Variants in NOMO1 observed in about 807,000 individuals in gnomAD.
The protein encoded by NOMO1 is NODAL modulator 1.
In NOMO1, 40 loss-of-function variants were observed where a neutral mutation model predicts 133.8. That is an observed-to-expected ratio of 0.30 (90% CI 0.23 to 0.39). The LOEUF is 0.39. Ranked by LOEUF, NOMO1 falls within the 10% of genes least tolerant of loss-of-function variation. The probability of loss-of-function intolerance (pLI) is 1.00; values close to 1 mark genes in which losing one functional copy is unlikely to be tolerated. For missense variants in NOMO1, 462 were observed against 1,419.9 expected, an observed-to-expected ratio of 0.33 and a Z score of 10.84; for synonymous variants, 236 against 570.5, an observed-to-expected ratio of 0.41 and a Z score of 8.36.
rs1389317999 is a variant in NOMO1, at chr16:14,857,549, A to G, written c.1114A>G (p.Thr372Ala). 2 of 1,610,774 alleles carry G rather than the reference A, an allele frequency of 1.2e-6. No homozygotes were observed. Among genetic ancestry groups the G allele is most frequent in the Non-Finnish European group, 1.7e-6 (2 of 1,178,628 alleles). Residue 372 changes from threonine (T) to alanine (A), a missense_variant, in exon 11 of 31, where the codon ACA becomes GCA. Physicochemically the swap from Thr to Ala is moderately conservative, Grantham distance 58 (BLOSUM62 0). Transcript: ENST00000287667. Reference sequence around the variant, plus strand: ...CTCATTCCGCCTTGAGAACATAACCACAGGGACATACACCATCCATGCTCA... The same window carrying G: ...CTCATTCCGCCTTGAGAACATAACCGCAGGGACATACACCATCCATGCTCA... ...DGSFRLENIT[T>A]GTYTIHAQKE...
At chr16:14,843,538 A>T (rs969775314) in intron 3 of NOMO1, among the ~76,000 whole-genome samples, 3 of 151,560 alleles carry the variant, frequency 2.0e-5, no homozygotes, top group Non-Finnish European at 4.4e-5. Flanking sequence ...AGTTTTTTTT[A>T]ATTTTAGCCC....
At chr16:14,884,163 G>A (rs1424911766) in intron 26 of NOMO1, among the ~76,000 whole-genome samples, 2 of 151,710 alleles carry the variant, frequency 1.3e-5, no homozygotes, top group Non-Finnish European at 2.9e-5. Context: ...AAAATACTGT[G>A]CTTTCGAAAT....
chr16:14,873,717 G>GAATTT (rs1192598311), intron 18 of NOMO1, among the ~76,000 whole-genome samples: 1 of 151,730 alleles, frequency 6.6e-6, no homozygotes, highest in East Asian at 1.9e-4. Context: ...ACTTCACAAG[G>GAATTT]GTGTTTGTGT....
intron 16 of NOMO1, among the ~76,000 whole-genome samples, chr16:14,871,130 G>A (rs961582746): frequency 2.5e-4 from 38 of 151,724 alleles, no homozygotes; most frequent in African/African-American, 8.5e-4. Context: ...GTGATGAAAT[G>A]TACCCCTAGC....
rs376438924 is a variant in NOMO1 at position 14,894,955 on chromosome 16, G to A, written c.3445-43G>A. On this transcript the variant is annotated intron_variant, in intron 29 of 30. Coordinates refer to ENST00000287667, the MANE Select transcript of NOMO1 (RefSeq NM_014287.4). ...GTGGCATTGTGGATGATGGACAATC[G>A]TGTGGCCTTGGTGAGGAGTGATGGG... 2.9e-4 allele frequency: 470 copies of A among 1,611,908 alleles called. 4 individuals are homozygous for A. In the African/African-American group the frequency reaches 5.3e-3, roughly 18 times the overall value.
intron 2 of NOMO1, among the ~76,000 whole-genome samples, chr16:14,839,244 C>G (rs1408417807): frequency 2.0e-5 from 3 of 151,588 alleles, no homozygotes; most frequent in African/African-American, 4.8e-5. Context: ...TTAATAGTGA[C>G]GGGGTTTTGC....
intron 1 of NOMO1, among the ~76,000 whole-genome samples, chr16:14,836,213 T>C (rs1447069499): frequency 4.6e-5 from 7 of 152,080 alleles, no homozygotes; most frequent in African/African-American, 1.7e-4. Flanking sequence ...AGTCCCTGCC[T>C]TAAATGCATG....
At chr16:14,881,078 C>G (rs1392445229) in intron 24 of NOMO1, among the ~76,000 whole-genome samples, 1 of 151,882 alleles carries the variant, frequency 6.6e-6, no homozygotes, top group African/African-American at 2.4e-5. Flanking sequence ...GAGATGCATA[C>G]ATATATACAT....
intron 9 of NOMO1, among the ~76,000 whole-genome samples, chr16:14,856,336 G>A (rs1297084144): frequency 3.9e-5 from 6 of 152,222 alleles, no homozygotes; most frequent in Admixed American, 6.5e-5. Context: ...TCACAGGCGA[G>A]TGGGGCACAG....
chr16:14,862,379 A>C (rs911462704), intron 11 of NOMO1: 1 of 153,974 alleles, frequency 6.5e-6, no homozygotes, highest in East Asian at 1.9e-4. Flanking sequence ...TAGAATCTCA[A>C]ATCTGAAGCA....
At chr16:14,891,953 G>A (rs146626576) in intron 29 of NOMO1, among the ~76,000 whole-genome samples, 2 of 152,206 alleles carry the variant, frequency 1.3e-5, no homozygotes, top group African/African-American at 2.4e-5. Context: ...AGAAAGTGCC[G>A]GAGAGGGCTA....
intron 29 of NOMO1, among the ~76,000 whole-genome samples, chr16:14,892,841 G>A (rs1210873273): frequency 6.8e-6 from 1 of 146,886 alleles, no homozygotes; most frequent in African/African-American, 2.5e-5. Flanking sequence ...GAGGCGGTTT[G>A]TCTCAAGCCA....
At chr16:14,877,583 G>A (rs453449) in intron 22 of NOMO1, among the ~76,000 whole-genome samples, 14 of 152,028 alleles carry the variant, frequency 9.2e-5, no homozygotes, top group African/African-American at 1.9e-4. Context: ...AAGACAACCC[G>A]CTAGAAAAAA....
chr16:14,894,385 T>G lies in NOMO1; in HGVS notation c.3445-613T>G, dbSNP rs1440136966. 1.3e-5 allele frequency among the ~76,000 whole-genome samples: 2 copies of G among 152,064 alleles called. 1 individual carries two copies. The highest frequency in any genetic ancestry group is 2.9e-5 in the Non-Finnish European group (2 of 68,036). ...CTGTTCCTGTACCATTGGCCAAAAT[T>G]TAGTTCCAGGGCTGCGCCTGCTGCA... is the stretch of plus-strand genomic sequence containing the variant. On this transcript the variant is annotated intron_variant, in intron 29 of 30. Transcript: ENST00000287667.
chr16:14,876,737 G>A lies in NOMO1; in HGVS notation c.2590G>A (p.Glu864Lys), dbSNP rs1964167538. ...GGAGGGCTATGTTCTGACTGCGGTG[G>A]AAGGAACCATCGGAGACTTCAAGGC... is the stretch of plus-strand genomic sequence containing the variant. ...QKEGYVLTAV[E>K]GTIGDFKAYA... Residue 864 changes from glutamate (E) to lysine (K), a missense_variant, in exon 22 of 31, where the codon GAA (glutamate) becomes AAA (lysine). Transcript: ENST00000287667. The A allele has an allele frequency of 6.2e-7, 1 of 1,610,920 alleles. No homozygotes were observed. Among genetic ancestry groups the A allele is most frequent in the African/African-American group, 1.3e-5 (1 of 74,272 alleles).
chr16:14,877,735 G>A (rs1964182225), intron 22 of NOMO1, among the ~76,000 whole-genome samples: 1 of 148,554 alleles, frequency 6.7e-6, no homozygotes, highest in Non-Finnish European at 1.5e-5. Context: ...GATTAGATTT[G>A]CTGTAATTAA....
In NOMO1 at chr16:14,881,542, A is replaced by G; in HGVS notation, c.2886-2A>G. ...CATTCGTGCCTGTTCTTGCCATACT[A>G]GTTGCTATGGCACAGTGTCTTCCTT... On this transcript the variant is annotated splice_acceptor_variant, in intron 24 of 30. Coordinates refer to ENST00000287667, the MANE Select transcript of NOMO1 (RefSeq NM_014287.4). LOFTEE classifies it high-confidence loss of function. The G allele has an allele frequency of 4.4e-6, 7 of 1,608,736 alleles. No homozygotes were observed. The highest frequency in any genetic ancestry group is 2.3e-4 in the Middle Eastern group (1 of 4,424).
intron 29 of NOMO1, among the ~76,000 whole-genome samples, chr16:14,894,787 G>A (rs1964457304): frequency 6.6e-6 from 1 of 152,150 alleles, no homozygotes; most frequent in Non-Finnish European, 1.5e-5. Flanking sequence ...GAAGCAAATA[G>A]TGAAGCTTTG....
intron 11 of NOMO1, among the ~76,000 whole-genome samples, chr16:14,859,056 C>T (rs1023534487): frequency 1.4e-4 from 21 of 152,012 alleles, no homozygotes; most frequent in African/African-American, 4.8e-4. Flanking sequence ...AAGATTTGGC[C>T]GCAGGTGGCA....
Sources: gnomAD v4.1 joint callset for allele counts (sites outside exome capture counted in the v4.1 genomes callset) on GRCh38, gnomAD v4.1.1 for gene constraint, MANE v1.5 for transcripts, NCBI Gene and HGNC (gene_info 2026-07-23, HGNC 2026-07-21) for gene names.